TXLNB: variants seen among roughly 807,000 people sequenced by gnomAD.
TXLNB encodes the protein taxilin beta, also known as beta-taxilin.
TXLNB carries 37 observed loss-of-function variants against 57.4 expected under a neutral mutation model. The observed-to-expected ratio is 0.64, with a 90% CI of 0.50 to 0.85. TXLNB has a LOEUF of 0.85. Ranked by LOEUF, TXLNB falls within the 40% of genes least tolerant of loss-of-function variation. The pLI is 0.00. For synonymous variants in TXLNB, 302 were observed against 309.6 expected (o/e 0.98, Z 0.26); for missense variants, 848 against 825.6 (o/e 1.03, Z -0.33).
chr6:139,296,080 A>G (rs1040126400), upstream of TXLNB, among the ~76,000 whole-genome samples: 3 of 152,014 alleles, frequency 2.0e-5, no homozygotes, highest in African/African-American at 7.3e-5. Context: ...GGCCTGCTAC[A>G]CAGCTGTGGT....
At chr6:139,226,330 GAT>G in the TXLNB span, among the ~76,000 whole-genome samples, 1 of 60,498 alleles carries the variant, frequency 1.7e-5, no homozygotes. Context: ...AAAAAAAAGA[GAT>G]AGAGAGAGAG....
At chr6:139,286,535 C>T (rs1321231826) in intron 2 of TXLNB, among the ~76,000 whole-genome samples, 6 of 152,048 alleles carry the variant, frequency 3.9e-5, no homozygotes, top group South Asian at 2.1e-4. Context: ...AGGGGCCGGG[C>T]GCAGTGGCTC....
chr6:139,256,885 C>T (rs1341351764), intron 6 of TXLNB, among the ~76,000 whole-genome samples: 1 of 152,178 alleles, frequency 6.6e-6, no homozygotes. Context: ...GTCTGGATAT[C>T]GGTGGCCTGT....
chr6:139,207,791 T>C, the TXLNB span, among the ~76,000 whole-genome samples: 3 of 151,984 alleles, frequency 2.0e-5, no homozygotes, highest in African/African-American at 7.2e-5. Flanking sequence ...AGAAATGAAA[T>C]AGGGCCAGGC....
chr6:139,174,240 G>T, the TXLNB span: 1 of 854,980 alleles, frequency 1.2e-6, no homozygotes, highest in Non-Finnish European at 1.7e-6. Flanking sequence ...GACAGCTTGT[G>T]TACTAAATAT....
intron 7 of TXLNB, 32 bp downstream of exon 7, chr6:139,255,532 A>G: frequency 1.3e-6 from 2 of 1,596,718 alleles, no homozygotes; most frequent in East Asian, 2.2e-5. Context: ...CAGTGAGGAC[A>G]GCACCCCCAT....
chr6:139,234,116 G>A, the TXLNB span: 1 of 152,268 alleles, frequency 6.6e-6, no homozygotes, highest in East Asian at 1.9e-4. Flanking sequence ...TTCAGAGAGA[G>A]GATTTAGGAT....
In TXLNB at chr6:139,276,887, G is replaced by T. The variant is rs762128766; in HGVS notation, c.459C>A (p.Asn153Lys). The change falls in exon 3 of 10, where the codon AAC becomes AAA. Residue 153 changes from asparagine (N) to lysine (K), a missense_variant. Coordinates refer to ENST00000358430, the MANE Select transcript of TXLNB (RefSeq NM_153235.4). ...ACTTTTCTTCCGGTGTTTGCAACTT[G>T]TTCAGATTTTGCATTAGCAGGTTGG... Reference protein sequence around the residue: ...KEANLLMQNLNKLQTPEEKFD... With the variant: ...KEANLLMQNLKKLQTPEEKFD... The T allele has an allele frequency of 3.1e-6, 5 of 1,596,538 alleles. No individual in the cohort carries two copies. The East Asian group carries it at 1.1e-4, about 36-fold the overall frequency.
At chr6:139,270,731 T>G in intron 3 of TXLNB, 105 bp from the exon 4 acceptor site, 2 of 979,712 alleles carry the variant, frequency 2.0e-6, no homozygotes, top group Admixed American at 2.7e-5. Flanking sequence ...TTTGGAAACA[T>G]TTTTTGCTAT....
the TXLNB span, among the ~76,000 whole-genome samples, chr6:139,233,299 T>G: frequency 6.7e-6 from 1 of 149,734 alleles, no homozygotes; most frequent in East Asian, 1.9e-4. Context: ...ATTTTCTGAA[T>G]GTTTATTATG....
At chr6:139,196,795 A>G in the TXLNB span, among the ~76,000 whole-genome samples, 1 of 152,240 alleles carries the variant, frequency 6.6e-6, no homozygotes, top group Non-Finnish European at 1.5e-5. Context: ...CTAAGACATC[A>G]AAAACACTCA....
At chr6:139,299,777 C>T in the TXLNB span, among the ~76,000 whole-genome samples, 1 of 151,984 alleles carries the variant, frequency 6.6e-6, no homozygotes, top group Non-Finnish European at 1.5e-5. Context: ...ACTTAGAGGT[C>T]CTGTCTAGAG....
the TXLNB span, chr6:139,166,837 G>A: frequency 4.3e-6 from 7 of 1,613,750 alleles, no homozygotes; most frequent in South Asian, 2.2e-5. Flanking sequence ...CCCCACCCAC[G>A]GGCTACTCCA....
At chr6:139,222,243 GAAAAT>G in the TXLNB span, among the ~76,000 whole-genome samples, 2 of 151,946 alleles carry the variant, frequency 1.3e-5, no homozygotes, top group South Asian at 4.1e-4. Flanking sequence ...TGGGAAAATT[GAAAAT>G]AAAAGTGTGG....
At chr6:139,213,655 C>CA in the TXLNB span, among the ~76,000 whole-genome samples, 7 of 152,002 alleles carry the variant, frequency 4.6e-5, no homozygotes, top group African/African-American at 7.2e-5. Context: ...AATAGAGACA[C>CA]AAAAAACCCT....
intron 7 of TXLNB, among the ~76,000 whole-genome samples, chr6:139,255,227 A>G (rs1776305646): frequency 6.6e-6 from 1 of 152,146 alleles, no homozygotes. Context: ...TTACCTTAAC[A>G]GGGCAATGAG....
At chr6:139,208,523 C>A in the TXLNB span, among the ~76,000 whole-genome samples, 1 of 152,098 alleles carries the variant, frequency 6.6e-6, no homozygotes, top group Non-Finnish European at 1.5e-5. Flanking sequence ...CTGTGATGAA[C>A]ATAGATGCAA....
chr6:139,250,653 C>T (rs1289650710), intron 7 of TXLNB, among the ~76,000 whole-genome samples: 2 of 152,112 alleles, frequency 1.3e-5, no homozygotes, highest in Non-Finnish European at 2.9e-5. Context: ...TTATCAGTAA[C>T]TCTAGCAGAG....
the TXLNB span, among the ~76,000 whole-genome samples, chr6:139,210,888 C>T: frequency 9.2e-5 from 14 of 152,360 alleles, no homozygotes; most frequent in South Asian, 8.3e-4. Flanking sequence ...TCATTACTAG[C>T]GCAGCAGTCT....
Sources: allele counts gnomAD v4.1 joint callset (sites outside exome capture counted in the v4.1 genomes callset), GRCh38; gene constraint gnomAD v4.1.1; transcripts MANE v1.5; gene names NCBI Gene and HGNC (gene_info 2026-07-23, HGNC 2026-07-21).